ZFHX3: variants seen among roughly 807,000 people sequenced by gnomAD.
ZFHX3 encodes zinc finger homeobox 3.
ZFHX3 carries 42 observed loss-of-function variants against 279.1 expected under a neutral mutation model. The ratio of observed to expected loss-of-function variants is 0.15; its 90% CI spans 0.12 to 0.19. The LOEUF (loss-of-function observed/expected upper bound fraction) is 0.19. Among genes scored for constraint, ZFHX3 ranks in the 10% least tolerant of loss-of-function variants. The pLI is 1.00. For synonymous variants in ZFHX3, 2,293 were observed against 1,957.8 expected, an observed-to-expected ratio of 1.17 and a Z score of -4.52; for missense variants, 4,981 against 4,754.0, an observed-to-expected ratio of 1.05 and a Z score of -1.40.
At chr16:73,781,307 T>C (rs1959463651) in intron 1 of ZFHX3, among the ~76,000 whole-genome samples, 1 of 152,194 alleles carries the variant, frequency 6.6e-6, no homozygotes, top group Non-Finnish European at 1.5e-5. Context: ...CCCCAAAGAT[T>C]GTGATTAAGC....
At chr16:73,253,865 G>A (rs892593437) in intron 5 of ZFHX3, among the ~76,000 whole-genome samples, 1 of 152,124 alleles carries the variant, frequency 6.6e-6, no homozygotes, top group Middle Eastern at 3.2e-3. Context: ...AACAGAGGGA[G>A]AAGGAGTTAA....
chr16:72,987,665 A>T (rs1360332994), intron 1 of ZFHX3, among the ~76,000 whole-genome samples: 1 of 152,186 alleles, frequency 6.6e-6, no homozygotes, highest in Non-Finnish European at 1.5e-5. Context: ...CACTGGAGCC[A>T]GTTTTATGTA....
intron 2 of ZFHX3, among the ~76,000 whole-genome samples, chr16:73,548,261 C>T (rs1440296259): frequency 1.3e-5 from 2 of 152,222 alleles, no homozygotes; most frequent in African/African-American, 4.8e-5. Context: ...TCCTCTAAAT[C>T]CTTAAATGCC....
rs755933827 is a variant in ZFHX3, at chr16:72,787,199, G to C, written c.11077C>G (p.Leu3693Val). ...AAGGTGTCCGTTCCTACACTGGTCA[G>C]ACCACTGTCCTTGGGGCAGCTGGGG... The part of the protein sequence containing the change: ...KDPSCPKDSG[L>V]TSVGTDTFRL Residue 3693 changes from leucine (L) to valine (V), a missense_variant, in exon 10 of 10, where the codon CTG (leucine) becomes GTG (valine). Leu to Val is a conservative substitution (Grantham distance 32). Transcript: ENST00000268489. 8 of 1,613,602 alleles carry C rather than the reference G, an allele frequency of 5.0e-6. No individual in the cohort carries two copies. In the South Asian group the frequency reaches 8.8e-5, roughly 18 times the overall value.
At chr16:73,136,552 C>T (rs557487714) in intron 6 of ZFHX3, among the ~76,000 whole-genome samples, 1 of 151,406 alleles carries the variant, frequency 6.6e-6, no homozygotes, top group South Asian at 2.1e-4. Context: ...GGTGAAACCT[C>T]GTCTCTACTA....
chr16:73,083,242 G>C (rs1965971393), intron 8 of ZFHX3: 1 of 152,276 alleles, frequency 6.6e-6, no homozygotes, highest in East Asian at 1.9e-4. Context: ...CCTTACCTTA[G>C]TAGAGCCATC....
intron 4 of ZFHX3, among the ~76,000 whole-genome samples, chr16:73,298,184 C>G (rs575093817): frequency 6.6e-6 from 1 of 151,104 alleles, no homozygotes; most frequent in African/African-American, 2.5e-5. Flanking sequence ...GAGCAAGACC[C>G]TGTCTCTAAC....
chr16:73,253,271 G>A (rs1247493521), intron 5 of ZFHX3, among the ~76,000 whole-genome samples: 1 of 152,128 alleles, frequency 6.6e-6, no homozygotes, highest in East Asian at 1.9e-4. Context: ...GGAAGGCTAC[G>A]TCCAGAAAAC....
intron 3 of ZFHX3, among the ~76,000 whole-genome samples, chr16:73,439,995 G>A (rs958170954): frequency 6.6e-6 from 1 of 151,446 alleles, no homozygotes; most frequent in Non-Finnish European, 1.5e-5. Flanking sequence ...TAGGCACGGG[G>A]TTGAGATGGA....
At chr16:73,143,268 G>A (rs1567401048) in intron 6 of ZFHX3, among the ~76,000 whole-genome samples, 2 of 151,948 alleles carry the variant, frequency 1.3e-5, no homozygotes, top group Non-Finnish European at 2.9e-5. Flanking sequence ...GGCAGAAATG[G>A]ACCCCGAGAA....
chr16:73,339,308 C>G (rs193158205), intron 3 of ZFHX3, among the ~76,000 whole-genome samples: 9 of 152,308 alleles, frequency 5.9e-5, no homozygotes, highest in Admixed American at 5.2e-4. Flanking sequence ...GTGCCTATCT[C>G]TCTTCTCTCA....
chr16:72,882,984 G>A (rs2038527360), intron 4 of ZFHX3, among the ~76,000 whole-genome samples: 1 of 29,026 alleles, frequency 3.4e-5, no homozygotes, highest in Non-Finnish European at 8.1e-5. Context: ...TGGGGTGTGT[G>A]TGTGTGTGTG....
intron 3 of ZFHX3, among the ~76,000 whole-genome samples, chr16:72,907,395 A>G (rs2039203366): frequency 6.6e-6 from 1 of 151,904 alleles, no homozygotes; most frequent in Non-Finnish European, 1.5e-5. Context: ...ATGAGTGTTC[A>G]TCAATCACCT....
intron 3 of ZFHX3, among the ~76,000 whole-genome samples, chr16:73,436,313 C>G (rs1054927197): frequency 6.6e-6 from 1 of 152,136 alleles, no homozygotes; most frequent in African/African-American, 2.4e-5. Context: ...AAGAGTGAAA[C>G]TCCGTCTCAA....
intron 2 of ZFHX3, among the ~76,000 whole-genome samples, chr16:73,488,341 AAG>A (rs754236013): frequency 1.4e-4 from 22 of 152,276 alleles, no homozygotes; most frequent in Admixed American, 3.3e-4. Context: ...TGCTGATGAA[AAG>A]AGCAACATGG....
intron 1 of ZFHX3, among the ~76,000 whole-genome samples, chr16:72,977,077 T>G (rs890757330): frequency 2.0e-5 from 3 of 152,200 alleles, no homozygotes; most frequent in African/African-American, 4.8e-5. Flanking sequence ...GGCCTACACA[T>G]AAGCATTTCT....
chr16:73,311,772 T>C (rs753258280), intron 4 of ZFHX3, among the ~76,000 whole-genome samples: 11 of 152,140 alleles, frequency 7.2e-5, no homozygotes, highest in African/African-American at 2.7e-4. Context: ...ATTTGAAACA[T>C]AGGCCAAACT....
intron 8 of ZFHX3, among the ~76,000 whole-genome samples, chr16:73,070,702 A>C (rs1337171710): frequency 6.8e-6 from 1 of 147,144 alleles, no homozygotes; most frequent in Non-Finnish European, 1.5e-5. Context: ...GGAAATGCTG[A>C]CATCATTGTC....
intron 3 of ZFHX3, among the ~76,000 whole-genome samples, chr16:73,454,688 AC>A (rs933544145): frequency 6.6e-6 from 1 of 151,086 alleles, no homozygotes; most frequent in African/African-American, 2.4e-5. Context: ...TTAGGGTATC[AC>A]CCCCCTCTCC....
Sources: gnomAD v4.1 joint callset for allele counts (sites outside exome capture counted in the v4.1 genomes callset) on GRCh38, gnomAD v4.1.1 for gene constraint, MANE v1.5 for transcripts, NCBI Gene and HGNC (gene_info 2026-07-23, HGNC 2026-07-21) for gene names.